Variants in DAB1 observed in about 807,000 individuals in gnomAD.
The protein encoded by DAB1 is disabled homolog 1.
DAB1 carries 15 observed loss-of-function variants against 64.6 expected under a neutral mutation model. The ratio of observed to expected loss-of-function variants is 0.23; its 90% CI spans 0.16 to 0.36. DAB1 has a LOEUF of 0.36. Among genes scored for constraint, DAB1 ranks in the 10% least tolerant of loss-of-function variants. DAB1 has a pLI of 1.00. For missense variants in DAB1, 596 were observed against 706.7 expected (o/e 0.84, Z 1.78); for synonymous variants, 235 against 251.9 (o/e 0.93, Z 0.64).
intron 1 of DAB1, among the ~76,000 whole-genome samples, chr1:57,367,338 A>C (rs1025192262): frequency 2.6e-5 from 4 of 152,070 alleles, no homozygotes; most frequent in Non-Finnish European, 5.9e-5. Flanking sequence ...CGGAAGTCTG[A>C]AAGAAAGTTT....
intron 3 of DAB1, among the ~76,000 whole-genome samples, chr1:57,139,721 T>A (rs1047762218): frequency 6.6e-6 from 1 of 152,100 alleles, no homozygotes; most frequent in African/African-American, 2.4e-5. Flanking sequence ...AGCAATTAAT[T>A]CCTAGCATAT....
At chr1:58,199,395 T>G (rs1343905062) in intron 4 of DAB1, among the ~76,000 whole-genome samples, 1 of 152,204 alleles carries the variant, frequency 6.6e-6, no homozygotes, top group Non-Finnish European at 1.5e-5. Flanking sequence ...TGTCTGACCT[T>G]TCTAATCTCA....
chr1:57,436,488 T>A (rs1322106241), intron 7 of DAB1, among the ~76,000 whole-genome samples: 1 of 152,216 alleles, frequency 6.6e-6, no homozygotes, highest in Admixed American at 6.5e-5. Flanking sequence ...ACAACCCTTG[T>A]GGGCACTATT....
At chr1:58,494,439 G>A (rs1018026348) in intron 3 of DAB1, among the ~76,000 whole-genome samples, 1 of 152,122 alleles carries the variant, frequency 6.6e-6, no homozygotes, top group Non-Finnish European at 1.5e-5. Context: ...AAACTAAAGA[G>A]CTTCTGCACA....
intron 5 of DAB1, among the ~76,000 whole-genome samples, chr1:58,128,093 A>G (rs1653257525): frequency 6.6e-6 from 1 of 152,008 alleles, no homozygotes; most frequent in East Asian, 1.9e-4. Flanking sequence ...ACCCATGAGC[A>G]TGGAATGTTC....
chr1:57,472,166 C>T (rs1687160199), intron 7 of DAB1, among the ~76,000 whole-genome samples: 1 of 152,216 alleles, frequency 6.6e-6, no homozygotes, highest in South Asian at 2.1e-4. Context: ...GAACTCCTAG[C>T]CCGGTTCTTT....
chr1:57,380,378 T>C (rs1454715338), intron 1 of DAB1, among the ~76,000 whole-genome samples: 1 of 152,202 alleles, frequency 6.6e-6, no homozygotes, highest in East Asian at 1.9e-4. Context: ...TCTCTTCTGT[T>C]ACCACACTCC....
chr1:57,046,679 C>A (rs1468240324), intron 9 of DAB1, among the ~76,000 whole-genome samples: 1 of 152,196 alleles, frequency 6.6e-6, no homozygotes, highest in African/African-American at 2.4e-5. Context: ...AGACTCACAG[C>A]AGCAGCAGCA....
intron 3 of DAB1, among the ~76,000 whole-genome samples, chr1:58,412,487 C>A (rs572120960): frequency 6.6e-6 from 1 of 152,324 alleles, no homozygotes; most frequent in African/African-American, 2.4e-5. Flanking sequence ...CCAACTCTTC[C>A]ATGACGATTG....
At chr1:57,018,134 A>T (rs1646494522) in intron 11 of DAB1, among the ~76,000 whole-genome samples, 1 of 152,196 alleles carries the variant, frequency 6.6e-6, no homozygotes, top group South Asian at 2.1e-4. Flanking sequence ...TTTGCATTTG[A>T]TTTTAATGCA....
intron 5 of DAB1, among the ~76,000 whole-genome samples, chr1:58,139,296 C>G (rs576461051): frequency 6.6e-6 from 1 of 152,246 alleles, no homozygotes; most frequent in South Asian, 2.1e-4. Flanking sequence ...TTACTGTATT[C>G]GTCCATTCTC....
intron 4 of DAB1, among the ~76,000 whole-genome samples, chr1:58,180,341 G>A (rs796849200): frequency 1.6e-5 from 2 of 121,268 alleles, no homozygotes; most frequent in African/African-American, 6.7e-5. Flanking sequence ...TGCCCAGACT[G>A]GAGTGCAGTG....
chr1:57,999,660 G>A (rs1305508357), intron 5 of DAB1, among the ~76,000 whole-genome samples: 1 of 152,134 alleles, frequency 6.6e-6, no homozygotes, highest in Non-Finnish European at 1.5e-5. Flanking sequence ...AAAGGCCAGA[G>A]ATGCTACTAA....
At chr1:57,237,349 A>C (rs1668168412) in intron 2 of DAB1, among the ~76,000 whole-genome samples, 1 of 152,068 alleles carries the variant, frequency 6.6e-6, no homozygotes. Context: ...AACACAAACC[A>C]CTTCCTAGAC....
chr1:58,362,216 G>A (rs995340452), intron 3 of DAB1, among the ~76,000 whole-genome samples: 3 of 152,074 alleles, frequency 2.0e-5, no homozygotes, highest in African/African-American at 7.2e-5. Context: ...TAAATTCCCT[G>A]GCCCTGGACA....
At chr1:57,906,430 C>T (rs924452655) in intron 5 of DAB1, among the ~76,000 whole-genome samples, 4 of 152,148 alleles carry the variant, frequency 2.6e-5, no homozygotes, top group Admixed American at 2.6e-4. Flanking sequence ...AACCACTACA[C>T]AAACCCAGAC....
At chr1:57,563,854 T>C (rs2406069) in intron 7 of DAB1, among the ~76,000 whole-genome samples, 144,643 of 152,274 alleles carry the variant, frequency 0.95, 69,113 homozygotes, top group East Asian at 1. Context: ...GTAGACTCCA[T>C]CTCTGGGGGC....
chr1:58,203,167 G>C (rs1357424641), intron 4 of DAB1, among the ~76,000 whole-genome samples: 2 of 152,052 alleles, frequency 1.3e-5, no homozygotes, highest in Admixed American at 1.3e-4. Flanking sequence ...TGGATGCTTT[G>C]GTAAAACTAA....
intron 4 of DAB1, among the ~76,000 whole-genome samples, chr1:58,197,705 T>TTTC (rs1170112954): frequency 6.8e-6 from 1 of 146,992 alleles, no homozygotes; most frequent in Non-Finnish European, 1.5e-5. Context: ...GAGTTACACT[T>TTTC]TTTTTTTTTT....
Sources: allele counts gnomAD v4.1 joint callset (sites outside exome capture counted in the v4.1 genomes callset), GRCh38; gene constraint gnomAD v4.1.1; transcripts MANE v1.5; gene names NCBI Gene and HGNC (gene_info 2026-07-23, HGNC 2026-07-21).